PACRG: variants seen among roughly 807,000 people sequenced by gnomAD.
PACRG encodes parkin coregulated, also known as parkin coregulated gene protein.
Under a neutral mutation model 29.7 loss-of-function variants are expected in PACRG, and 29 were observed. The ratio of observed to expected loss-of-function variants is 0.98; its 90% CI spans 0.73 to 1.33. The LOEUF (loss-of-function observed/expected upper bound fraction) is 1.33. PACRG is among the 40% of genes most tolerant of loss of function. The pLI is 0.00. For synonymous variants in PACRG, 116 were observed against 118.7 expected (o/e 0.98, Z 0.15); for missense variants, 279 against 316.2 (o/e 0.88, Z 0.89).
At chr6:162,787,582 G>GTGTGTACATATATATA (rs1198197561) in intron 1 of PACRG, among the ~76,000 whole-genome samples, 4 of 62,418 alleles carry the variant, frequency 6.4e-5, no homozygotes, top group Non-Finnish European at 1.2e-4. Flanking sequence ...GTGTGTGTGT[G>GTGTGTACATATATATA]TATATATATA....
At position 163,315,437 on chromosome 6, in the gene PACRG, C is replaced by G. The variant is rs1158889473; in HGVS notation, c.*450C>G. On this transcript the variant is annotated 3_prime_UTR_variant, in exon 5 of 5. Transcript: ENST00000366888. Reference sequence around the variant, plus strand: ...GAGAAGCATGGGTTCAGCAGTGCCTCTCTAGCAGCTGTGCGGAATAATGTG... The same window carrying G: ...GAGAAGCATGGGTTCAGCAGTGCCTGTCTAGCAGCTGTGCGGAATAATGTG... 6.5e-6 allele frequency: 1 copy of G among 154,262 alleles called. No individual in the cohort carries two copies. Among genetic ancestry groups the G allele is most frequent in the Non-Finnish European group, 1.4e-5 (1 of 69,436 alleles). 9.6% of individuals were successfully genotyped at this position (154,262 alleles called of 1,614,324 possible). A position where few individuals can be genotyped will look rare whatever the true frequency, so the allele number is the denominator to read the frequency against.
chr6:162,875,366 C>T (rs1353022782), intron 2 of PACRG, among the ~76,000 whole-genome samples: 8 of 151,960 alleles, frequency 5.3e-5, no homozygotes, highest in Non-Finnish European at 7.4e-5. Flanking sequence ...CATTCACACA[C>T]ATTCATACAC....
chr6:162,956,063 C>T (rs934488847), intron 2 of PACRG, among the ~76,000 whole-genome samples: 5 of 152,198 alleles, frequency 3.3e-5, no homozygotes. Context: ...AGGGCAAGCA[C>T]ATACCCTGTT....
At chr6:163,036,533 A>G (rs1259766848) in intron 2 of PACRG, among the ~76,000 whole-genome samples, 1 of 152,230 alleles carries the variant, frequency 6.6e-6, no homozygotes. Flanking sequence ...ATGAGCCTAA[A>G]TAAGTTAGGA....
At chr6:162,940,059 A>T (rs375724800) in intron 2 of PACRG, among the ~76,000 whole-genome samples, 279 of 152,348 alleles carry the variant, frequency 1.8e-3, no homozygotes, top group Non-Finnish European at 3.3e-3. Context: ...ATAGATTTCT[A>T]TACTTTTTCT....
At chr6:162,836,136 G>T (rs531994688) in intron 2 of PACRG, among the ~76,000 whole-genome samples, 1 of 151,850 alleles carries the variant, frequency 6.6e-6, no homozygotes, top group Non-Finnish European at 1.5e-5. Flanking sequence ...CTTATTTTTG[G>T]TAATACTTCA....
chr6:162,870,429 ATTC>A (rs1187402710), intron 2 of PACRG, among the ~76,000 whole-genome samples: 1 of 152,144 alleles, frequency 6.6e-6, no homozygotes, highest in Admixed American at 6.5e-5. Flanking sequence ...CTTTTTTAAA[ATTC>A]TTATTTCCAT....
chr6:162,964,639 G>T (rs1203850869), intron 2 of PACRG, among the ~76,000 whole-genome samples: 1 of 152,170 alleles, frequency 6.6e-6, no homozygotes, highest in African/African-American at 2.4e-5. Flanking sequence ...GGACATGAAT[G>T]CGTTAGGAGG....
chr6:163,269,918 G>C lies in PACRG; in HGVS notation c.614-44909G>C, dbSNP rs1562349791. On this transcript the variant is annotated intron_variant, in intron 4 of 4. Transcript: ENST00000366888. Reference sequence around the variant, plus strand: ...ACAAAGAAAGAAAGAAAGAAAGAAAGAAAGAAAGAAAACAAAGAAAGAAAG... The same window carrying C: ...ACAAAGAAAGAAAGAAAGAAAGAAACAAAGAAAGAAAACAAAGAAAGAAAG... Among the ~76,000 whole-genome samples, 134 of 64,302 alleles carry C rather than the reference G, an allele frequency of 2.1e-3. 23 individuals carry two copies. The highest frequency in any genetic ancestry group is 0.011 in the African/African-American group (130 of 11,448). 42.2% of individuals were successfully genotyped at this position (64,302 alleles called of 152,430 possible). A position where few individuals can be genotyped will look rare whatever the true frequency, so the allele number is the denominator to read the frequency against.
chr6:162,808,610 G>C (rs1353910215), intron 1 of PACRG, among the ~76,000 whole-genome samples: 1 of 152,074 alleles, frequency 6.6e-6, no homozygotes, highest in East Asian at 1.9e-4. Flanking sequence ...GTAAATGTAG[G>C]CATATAAAGT....
intron 4 of PACRG, among the ~76,000 whole-genome samples, chr6:163,275,403 C>T (rs948361959): frequency 5.9e-5 from 9 of 152,168 alleles, no homozygotes; most frequent in African/African-American, 2.2e-4. Flanking sequence ...ATACTCAACA[C>T]TCAGCACTGA....
At chr6:162,908,288 A>G (rs1796071248) in intron 2 of PACRG, among the ~76,000 whole-genome samples, 1 of 152,214 alleles carries the variant, frequency 6.6e-6, no homozygotes, top group African/African-American at 2.4e-5. Context: ...AGTAGTGGAT[A>G]TCTCTCATTT....
At chr6:163,292,439 T>C (rs1214435619) in intron 4 of PACRG, among the ~76,000 whole-genome samples, 3 of 152,192 alleles carry the variant, frequency 2.0e-5, no homozygotes, top group Non-Finnish European at 4.4e-5. Flanking sequence ...TCTTGCTCTG[T>C]CACCCAGGCT....
chr6:163,257,124 A>G (rs1464009815), intron 4 of PACRG, among the ~76,000 whole-genome samples: 5 of 152,144 alleles, frequency 3.3e-5, no homozygotes, highest in Non-Finnish European at 2.9e-5. Flanking sequence ...ATGTTCTTAT[A>G]CCGAGATCCT....
Position 163,095,375 on chromosome 6 carries a change from A to C in PACRG, c.613+5967A>C. 4.1e-6 allele frequency: 4 copies of C among 985,448 alleles called. No homozygotes were observed. In the South Asian group the frequency reaches 1.9e-4, roughly 46 times the overall value. 61.0% of individuals were successfully genotyped at this position (985,448 alleles called of 1,614,324 possible). A position where few individuals can be genotyped will look rare whatever the true frequency, so the allele number is the denominator to read the frequency against. On this transcript the variant is annotated intron_variant, in intron 4 of 4. Coordinates refer to ENST00000366888, the MANE Select transcript of PACRG (RefSeq NM_001080379.2). ...CTGCCCGGAGGGAAGGATTATTCTG[A>C]GTTGTCTGTAACCTGGTAGGGCGAT...
intron 1 of PACRG, among the ~76,000 whole-genome samples, chr6:162,789,145 A>G (rs1312799318): frequency 1.3e-5 from 2 of 152,190 alleles, no homozygotes; most frequent in Non-Finnish European, 2.9e-5. Context: ...AAAACTAAAG[A>G]TATGTCAATT....
intron 2 of PACRG, among the ~76,000 whole-genome samples, chr6:162,973,520 G>A (rs1177820493): frequency 1.3e-5 from 2 of 152,092 alleles, no homozygotes; most frequent in Non-Finnish European, 1.5e-5. Flanking sequence ...TTGCTCTGTA[G>A]CAAGCAAGGC....
At chr6:162,775,600 G>A (rs1454382151) in intron 1 of PACRG, among the ~76,000 whole-genome samples, 4 of 152,080 alleles carry the variant, frequency 2.6e-5, no homozygotes, top group Non-Finnish European at 5.9e-5. Flanking sequence ...ACCATAAAAT[G>A]TAACATTTAT....
chr6:163,027,999 G>A (rs1255728802), intron 2 of PACRG, among the ~76,000 whole-genome samples: 1 of 152,166 alleles, frequency 6.6e-6, no homozygotes, highest in Non-Finnish European at 1.5e-5. Flanking sequence ...GAAGGGAAAG[G>A]GCACGCCAGC....
Sources: allele counts gnomAD v4.1 joint callset (sites outside exome capture counted in the v4.1 genomes callset), GRCh38; gene constraint gnomAD v4.1.1; transcripts MANE v1.5; gene names NCBI Gene and HGNC (gene_info 2026-07-23, HGNC 2026-07-21).